Variants in NDUFS1 observed in about 807,000 individuals in gnomAD.
NDUFS1 encodes the protein NADH:ubiquinone oxidoreductase core subunit S1.
A neutral mutation model predicts 84.4 loss-of-function variants in NDUFS1; 61 were observed. The ratio of observed to expected loss-of-function variants is 0.72; its 90% CI spans 0.59 to 0.89. The LOEUF (loss-of-function observed/expected upper bound fraction) is 0.89. Among genes scored for constraint, NDUFS1 ranks in the 40% least tolerant of loss-of-function variants. NDUFS1 has a pLI of 0.00. For missense variants in NDUFS1, 891 were observed against 890.0 expected (o/e 1.00, Z -0.01); for synonymous variants, 275 against 290.0 (o/e 0.95, Z 0.53).
rs1487832333 is a variant in NDUFS1, at chr2:206,121,074, C to T, written c.*3111G>A. The T allele has an allele frequency of 1.3e-5, 2 of 152,358 alleles. No individual in the cohort carries two copies. The highest frequency in any genetic ancestry group is 6.5e-5 in the Admixed American group (1 of 15,304). 9.4% of individuals were successfully genotyped at this position (152,358 alleles called of 1,614,324 possible). A position where few individuals can be genotyped will look rare whatever the true frequency, so the allele number is the denominator to read the frequency against. Reference sequence around the variant, plus strand: ...TTTCTTGAGTCTCAATTAATACCTACTATTAGCAGAGATTTTGTGAAGAAT... The same window carrying T: ...TTTCTTGAGTCTCAATTAATACCTATTATTAGCAGAGATTTTGTGAAGAAT... On this transcript the variant is annotated 3_prime_UTR_variant, in exon 19 of 19. Coordinates refer to ENST00000233190, the MANE Select transcript of NDUFS1 (RefSeq NM_005006.7).
In NDUFS1 at chr2:206,127,984, T is replaced by C. The variant is rs986629183; in HGVS notation, c.1709-12A>G. ...ATCACCATGATGTCCTGCACAAAGA[T>C]GGAAAATGGTAAACCAAAATTTTAT... is the stretch of plus-strand genomic sequence containing the variant. On this transcript the variant is annotated splice_polypyrimidine_tract_variant and intron_variant, in intron 15 of 18. Coordinates refer to ENST00000233190, the MANE Select transcript of NDUFS1 (RefSeq NM_005006.7). 3.7e-6 allele frequency: 6 copies of C among 1,613,842 alleles called. No homozygotes were observed. The highest frequency in any genetic ancestry group is 5.1e-6 in the Non-Finnish European group (6 of 1,179,884).
chr2:206,142,683 C>T lies in NDUFS1; in HGVS notation c.1133+3G>A, dbSNP rs760129461. 5.0e-6 allele frequency: 8 copies of T among 1,614,168 alleles called. No individual in the cohort carries two copies. The highest frequency in any genetic ancestry group is 6.8e-6 in the Non-Finnish European group (8 of 1,180,024). On this transcript the variant is annotated splice_donor_region_variant and intron_variant, in intron 11 of 18. Coordinates refer to ENST00000233190, the MANE Select transcript of NDUFS1 (RefSeq NM_005006.7). Reference sequence around the variant, plus strand: ...GCCTAGATCCTAGCTTCATATTTCTCACCCAGCTCCTGCAGTGGGGAAGAC... The same window carrying T: ...GCCTAGATCCTAGCTTCATATTTCTTACCCAGCTCCTGCAGTGGGGAAGAC...
Position 206,124,218 on chromosome 2 carries a change from A to T in NDUFS1, c.2151T>A (p.Gly717=). ...TGGATGGTTCCTCTACTGCCTGGGC[A>T]CCCTCTGTGACAGCTTTGACACATT... The part of the protein sequence containing the change: ...MAKCVKAVTE[G]AQAVEEPSIC The change falls in exon 19 of 19, where the codon GGT becomes GGA. Residue 717 remains glycine (G), a synonymous_variant. Coordinates refer to ENST00000233190, the MANE Select transcript of NDUFS1 (RefSeq NM_005006.7). 6.2e-7 allele frequency: 1 copy of T among 1,613,464 alleles called. No homozygotes were observed. Among genetic ancestry groups the T allele is most frequent in the South Asian group, 1.1e-5 (1 of 91,070 alleles).
At chr2:206,152,013 G>A (rs547418271) in intron 3 of NDUFS1, among the ~76,000 whole-genome samples, 7 of 152,152 alleles carry the variant, frequency 4.6e-5, no homozygotes, top group African/African-American at 1.4e-4. Context: ...TTACAGGTGC[G>A]CGCCACGATG....
At position 206,149,899 on chromosome 2, in the gene NDUFS1, G is replaced by A; in HGVS notation, c.180C>T (p.Ile60=). The stretch of plus-strand genomic sequence containing the variant: ...ACCTTTCATGATAACAGAATCGAGG[G>A]ATCTGCATGCCAACCTTCTCACAAG... ...LQACEKVGMQ[I]PRFCYHERLS... is the part of the protein sequence containing the mutation. Residue 60 remains isoleucine (I), a synonymous_variant, in exon 4 of 19, where the codon ATC becomes ATT. Transcript: ENST00000233190. 2 of 1,567,966 alleles carry A rather than the reference G, an allele frequency of 1.3e-6. No homozygotes were observed. The highest frequency in any genetic ancestry group is 1.1e-5 in the South Asian group (1 of 89,924).
chr2:206,156,306 C>T (rs1687652026), intron 1 of NDUFS1, among the ~76,000 whole-genome samples: 1 of 147,620 alleles, frequency 6.8e-6, no homozygotes, highest in Non-Finnish European at 1.5e-5. Flanking sequence ...GGAGAGGTGG[C>T]TCACGCCTGT....
Position 206,152,479 on chromosome 2 carries a change from C to A in NDUFS1, c.93G>T (p.Leu31Phe), listed in dbSNP as rs769577420. The change falls in exon 3 of 19, where the codon TTG becomes TTT. Residue 31 changes from leucine to phenylalanine, a missense_variant. By Grantham distance (22) the Leu-to-Phe change is conservative. Transcript: ENST00000233190. ...VRTTATAASNLIEVFVDGQSV... is the reference protein window; with the variant it reads ...VRTTATAASNFIEVFVDGQSV... ...ACTGACCATCAACAAATACTTCAAT[C>A]AAGTTGCTTGCTGCTGTGGCAGTTG... 4 of 1,614,132 alleles carry A rather than the reference C, an allele frequency of 2.5e-6. No individual in the cohort carries two copies. The highest frequency in any genetic ancestry group is 1.7e-5 in the Admixed American group (1 of 60,018).
intron 13 of NDUFS1, 78 bp downstream of exon 13, chr2:206,138,407 G>A (rs1575967488): frequency 6.6e-7 from 1 of 1,514,798 alleles, no homozygotes; most frequent in Non-Finnish European, 9.1e-7. Context: ...ACTTACATAG[G>A]ATTATTACAA....
chr2:206,141,629 A>G (rs1691959789), intron 12 of NDUFS1, among the ~76,000 whole-genome samples: 1 of 150,070 alleles, frequency 6.7e-6, no homozygotes, highest in Non-Finnish European at 1.5e-5. Context: ...GCAGTGGCTC[A>G]CACCTGAAAT....
chr2:206,142,045 A>G lies in NDUFS1; in HGVS notation c.1158T>C (p.Leu386=), dbSNP rs1691982794. ...GAGTDLRSNY[L]LNTTIAGVEE... is the part of the protein sequence containing the mutation. ...CCACACCAGCAATTGTAGTATTAAG[A>G]AGATAATTGGAACGCAAATCTGTGC... Residue 386 remains leucine, a synonymous_variant, in exon 12 of 19, where the codon CTT becomes CTC. Coordinates refer to ENST00000233190, the MANE Select transcript of NDUFS1 (RefSeq NM_005006.7). The G allele has an allele frequency of 6.2e-7, 1 of 1,605,266 alleles. No individual in the cohort carries two copies. Among genetic ancestry groups the G allele is most frequent in the Non-Finnish European group, 8.5e-7 (1 of 1,172,054 alleles).
rs1021309675 is a variant in NDUFS1, at chr2:206,127,901, C to T, written c.1780G>A (p.Ala594Thr). ...CTACCCTCAGTGTTGACATATGTAG[C>T]AGACTTCTCTGTGTAAGCAGCTCCT... is the stretch of plus-strand genomic sequence containing the variant. ...LPGAAYTEKS[A>T]TYVNTEGRAQ... The change falls in exon 16 of 19, where the codon GCT (alanine) becomes ACT (threonine). Residue 594 changes from alanine to threonine, a missense_variant. Coordinates refer to ENST00000233190, the MANE Select transcript of NDUFS1 (RefSeq NM_005006.7). The T allele has an allele frequency of 4.3e-6, 7 of 1,614,016 alleles. No homozygotes were observed. In the African/African-American group the frequency reaches 9.3e-5, roughly 22 times the overall value.
At chr2:206,140,359 C>G (rs375351024) in intron 12 of NDUFS1, among the ~76,000 whole-genome samples, 1 of 152,044 alleles carries the variant, frequency 6.6e-6, no homozygotes, top group Admixed American at 6.6e-5. Context: ...CAAAAACTAG[C>G]TGGACGTGGT....
intron 14 of NDUFS1, among the ~76,000 whole-genome samples, 165 bp from the exon 15 acceptor site, chr2:206,130,407 C>A (rs562347730): frequency 6.6e-6 from 1 of 151,126 alleles, no homozygotes; most frequent in African/African-American, 2.5e-5. Context: ...CAGGCTGGAG[C>A]GCAGTGGCGT....
intron 18 of NDUFS1, among the ~76,000 whole-genome samples, chr2:206,125,035 C>G (rs1330815957): frequency 6.6e-6 from 1 of 151,512 alleles, no homozygotes; most frequent in Non-Finnish European, 1.5e-5. Flanking sequence ...TTAAAGAGAC[C>G]AGATCTGACT....
In NDUFS1 at chr2:206,143,628, C is replaced by A. The variant is rs1425938106; in HGVS notation, c.987+390G>T. Among the ~76,000 whole-genome samples the A allele has an allele frequency of 3.3e-5, 5 of 151,834 alleles. No individual in the cohort carries two copies. The East Asian group carries it at 9.7e-4, about 30-fold the overall frequency. On this transcript the variant is annotated intron_variant, in intron 10 of 18. Coordinates refer to ENST00000233190, the MANE Select transcript of NDUFS1 (RefSeq NM_005006.7). ...ATGGAGTCTCGCTGTGTCACCCAGA[C>A]TGGAGTGCAGTGGTGCGATCTCGGC...
At position 206,123,323 on chromosome 2, in the gene NDUFS1, T is replaced by C. The variant is rs1178930827; in HGVS notation, c.*862A>G. ...GGGAGGTCTCATAAGTATACATGCA[T>C]ACATGTATAACTTATAAAAAAAAAA... is the stretch of plus-strand genomic sequence containing the variant. On this transcript the variant is annotated 3_prime_UTR_variant, in exon 19 of 19. Transcript: ENST00000233190. 2 of 149,574 alleles carry C rather than the reference T, an allele frequency of 1.3e-5. No individual in the cohort carries two copies. Among genetic ancestry groups the C allele is most frequent in the East Asian group, 4.0e-4 (2 of 5,062 alleles). The allele number at this position is 149,574 out of a possible 1,614,324, so 9.3% of individuals were successfully genotyped here. A position where few individuals can be genotyped will look rare whatever the true frequency, so the allele number is the denominator to read the frequency against.
At position 206,159,356 on chromosome 2, in the gene NDUFS1, G is replaced by T; in HGVS notation, c.-20C>A. On this transcript the variant is annotated 5_prime_UTR_variant, in exon 1 of 19. Transcript: ENST00000233190. ...AAGACCTCACCTTCTCCCCGGAGCC[G>T]CGGAGGCTGTTCTGCTAAACTGTCT... The T allele has an allele frequency of 1.7e-6, 1 of 596,110 alleles. No homozygotes were observed. The highest frequency in any genetic ancestry group is 3.0e-6 in the Non-Finnish European group (1 of 334,810). 36.9% of individuals were successfully genotyped at this position (596,110 alleles called of 1,614,324 possible).
At chr2:206,154,902 G>A (rs1350570658) in intron 1 of NDUFS1, among the ~76,000 whole-genome samples, 10 of 149,540 alleles carry the variant, frequency 6.7e-5, no homozygotes, top group Admixed American at 1.3e-4. Flanking sequence ...GGGTTAAGGC[G>A]TGAGCCACCG....
At chr2:206,141,351 T>C (rs2105965732) in intron 12 of NDUFS1, among the ~76,000 whole-genome samples, 1 of 149,710 alleles carries the variant, frequency 6.7e-6, no homozygotes, top group Admixed American at 6.7e-5. Context: ...GAGACCACGG[T>C]GAAACCCCGT....
Sources: allele counts gnomAD v4.1 joint callset (sites outside exome capture counted in the v4.1 genomes callset), GRCh38; gene constraint gnomAD v4.1.1; transcripts MANE v1.5; gene names NCBI Gene and HGNC (gene_info 2026-07-23, HGNC 2026-07-21).